The following ALOX15 variants were observed in gnomAD, a reference collection of about 807,000 sequenced individuals.
ALOX15 encodes polyunsaturated fatty acid lipoxygenase ALOX15.
A neutral mutation model predicts 71.7 loss-of-function variants in ALOX15; 68 were observed. That is an observed-to-expected ratio of 0.95 (90% CI 0.78 to 1.16). ALOX15 has a LOEUF of 1.16. ALOX15 is among the 50% of genes most tolerant of loss of function. The probability of loss-of-function intolerance (pLI) is 0.00; values close to 1 mark genes in which losing one functional copy is unlikely to be tolerated. For missense variants in ALOX15, 798 were observed against 818.8 expected, an observed-to-expected ratio of 0.97 and a Z score of 0.31; for synonymous variants, 346 against 333.3, an observed-to-expected ratio of 1.04 and a Z score of -0.42.
intron 7 of ALOX15, among the ~76,000 whole-genome samples, chr17:4,636,349 C>A (rs1258477626): frequency 6.6e-6 from 1 of 152,224 alleles, no homozygotes; most frequent in Non-Finnish European, 1.5e-5. Context: ...TTGTTCTCAG[C>A]TGCCTGCTGG....
chr17:4,633,431 T>C lies in ALOX15; in HGVS notation c.1231A>G (p.Met411Val), dbSNP rs1457107779. The change falls in exon 9 of 14, where the codon ATG (methionine) becomes GTG (valine). Residue 411 changes from methionine to valine, a missense_variant. Met to Val is a conservative substitution (Grantham distance 21). Transcript: ENST00000293761. The part of the protein sequence containing the change: ...VRARTGLVSD[M>V]GIFDQIMSTG... ...TCCCATACCTGGTCGAAAATTCCCA[T>C]GTCAGAGACCAGCCCAGTCCTGGCC... The C allele has an allele frequency of 5.0e-6, 8 of 1,614,052 alleles. No homozygotes were observed. The highest frequency in any genetic ancestry group is 5.9e-6 in the Non-Finnish European group (7 of 1,179,976).
In ALOX15 at chr17:4,637,202, GA is replaced by G. The variant is rs770678509; in HGVS notation, c.863del (p.Val288AlafsTer13). 7 of 1,613,972 alleles carry G rather than the reference GA, an allele frequency of 4.3e-6. No homozygotes were observed. The South Asian group carries it at 7.7e-5, about 18-fold the overall frequency. ...CCAGGTGCTGCTGGCTACAGAGAATGACGTTGGCCTTGATCCCATCCAGCAG... is the reference window on the plus strand; with the variant it reads ...CCAGGTGCTGCTGGCTACAGAGAATGCGTTGGCCTTGATCCCATCCAGCAG... ...FSLLDGIKAN[V>X]ILCSQQHLAA... is the part of the protein sequence containing the mutation. On this transcript the variant is annotated frameshift_variant, in exon 7 of 14. Coordinates refer to ENST00000293761, the MANE Select transcript of ALOX15 (RefSeq NM_001140.5). LOFTEE classifies it high-confidence loss of function.
Position 4,635,944 on chromosome 17 carries a change from G to C in ALOX15, c.976C>G (p.Pro326Ala). 6.2e-7 allele frequency: 1 copy of C among 1,613,982 alleles called. No individual in the cohort carries two copies. Among genetic ancestry groups the C allele is most frequent in the Non-Finnish European group, 8.5e-7 (1 of 1,180,036 alleles). The part of the protein sequence containing the change: ...IQLQLPRTGS[P>A]PPPLFLPTDP... ...GTAGGCAAGAAAAGGGGAGGTGGTG[G>C]GGATCCTGTGCGGGGCAGCTGGAGC... Residue 326 changes from proline (P) to alanine (A), a missense_variant, in exon 8 of 14, where the codon CCA (proline) becomes GCA (alanine). Pro to Ala is a conservative substitution (Grantham distance 27, BLOSUM62 -1). This residue lies in a region of ALOX15 where 490 missense variants were observed against 509.4 expected (regional missense o/e 0.96). Coordinates refer to ENST00000293761, the MANE Select transcript of ALOX15 (RefSeq NM_001140.5).
intron 6 of ALOX15, among the ~76,000 whole-genome samples, 162 bp downstream of exon 6, chr17:4,638,055 C>T (rs1353848220): frequency 2.0e-5 from 3 of 152,128 alleles, no homozygotes; most frequent in Non-Finnish European, 2.9e-5. Context: ...GGAAGGAGGC[C>T]GAGCAGCTGA....
chr17:4,632,640 T>C (rs1486385083), intron 11 of ALOX15, among the ~76,000 whole-genome samples: 1 of 152,154 alleles, frequency 6.6e-6, no homozygotes, highest in Non-Finnish European at 1.5e-5. Context: ...TTGTTAAACA[T>C]TTATGAGCAG....
intron 5 of ALOX15, 22 bp downstream of exon 5, chr17:4,638,559 C>A: frequency 6.2e-7 from 1 of 1,610,096 alleles, no homozygotes; most frequent in Non-Finnish European, 8.5e-7. Flanking sequence ...GGTTGGGAGA[C>A]ATACTGGGGT....
Position 4,633,135 on chromosome 17 carries a change from G to A in ALOX15, c.1418+11C>T, listed in dbSNP as rs774148137. 1.2e-5 allele frequency: 19 copies of A among 1,612,274 alleles called. No homozygotes were observed. The highest frequency in any genetic ancestry group is 4.5e-5 in the East Asian group (2 of 44,854). On this transcript the variant is annotated intron_variant, in intron 10 of 13. Transcript: ENST00000293761. ...CACTTGCACCCCCACTGGCCTTCCCGCTTGCCTCACCGATAGATGATTTCC... is the reference window on the plus strand; with the variant it reads ...CACTTGCACCCCCACTGGCCTTCCCACTTGCCTCACCGATAGATGATTTCC...
At position 4,635,858 on chromosome 17, in the gene ALOX15, G is replaced by C; in HGVS notation, c.1062C>G (p.Leu354=). 1 of 1,614,254 alleles carries C rather than the reference G, an allele frequency of 6.2e-7. No individual in the cohort carries two copies. Among genetic ancestry groups the C allele is most frequent in the South Asian group, 1.1e-5 (1 of 91,082 alleles). Residue 354 remains leucine, a synonymous_variant, in exon 8 of 14, where the codon CTC becomes CTG. Transcript: ENST00000293761. ...KCWVRSSDFQ[L]HELQSHLLRG... ...TCAGAAGATGAGACTGCAGCTCATG[G>C]AGCTGGAAGTCAGAGCTGCGCACCC...
Position 4,638,351 on chromosome 17 carries a change from C to A in ALOX15, c.673G>T (p.Asp225Tyr). Residue 225 changes from aspartate to tyrosine, a missense_variant, in exon 6 of 14, where the codon GAT becomes TAT. Transcript: ENST00000293761. ...AERVRDSWKEDALFGYQFLNG... is the reference protein window; with the variant it reads ...AERVRDSWKEYALFGYQFLNG... ...AGAAACTGGTACCCAAATAAGGCATCTTCCTTCCAGGAGTCCCGCACGCGC... is the reference window on the plus strand; with the variant it reads ...AGAAACTGGTACCCAAATAAGGCATATTCCTTCCAGGAGTCCCGCACGCGC... The A allele has an allele frequency of 6.4e-6, 6 of 939,344 alleles. No homozygotes were observed. Among genetic ancestry groups the A allele is most frequent in the Non-Finnish European group, 9.8e-6 (6 of 611,106 alleles). 58.2% of individuals were successfully genotyped at this position (939,344 alleles called of 1,614,324 possible).
intron 7 of ALOX15, 68 bp downstream of exon 7, chr17:4,637,047 A>G: frequency 6.5e-7 from 1 of 1,541,068 alleles, no homozygotes; most frequent in Admixed American, 1.9e-5. Flanking sequence ...GTGCTCAGTA[A>G]ATTTTGATAA....
At position 4,631,962 on chromosome 17, in the gene ALOX15, G is replaced by T. The variant is rs985307514; in HGVS notation, c.1736C>A (p.Thr579Lys). ...KDATLETVMA[T>K]LPNFHQASLQ... is the part of the protein sequence containing the mutation. ...AGAAGCCTGGTGGAAGTTGGGCAGT[G>T]TCGCCATCACTGTCTCCAGCGTTGC... The change falls in exon 13 of 14, where the codon ACA becomes AAA. Residue 579 changes from threonine (T) to lysine (K), a missense_variant. Thr to Lys is a moderately conservative substitution (Grantham distance 78). This residue lies in a region of ALOX15 where 490 missense variants were observed against 509.4 expected (regional missense o/e 0.96). Coordinates refer to ENST00000293761, the MANE Select transcript of ALOX15 (RefSeq NM_001140.5). 1 of 1,614,030 alleles carries T rather than the reference G, an allele frequency of 6.2e-7. No homozygotes were observed. The highest frequency in any genetic ancestry group is 1.3e-5 in the African/African-American group (1 of 74,948).
Position 4,639,187 on chromosome 17 carries a change from T to C in ALOX15, c.338-55A>G, listed in dbSNP as rs1450054180. On this transcript the variant is annotated intron_variant, in intron 2 of 13. Transcript: ENST00000293761. ...GACTTTTGGTGAGCGCCTCTTCTTG[T>C]CTCTGCCAGGAGAGCCTCAGCACCC... 104 of 1,599,802 alleles carry C rather than the reference T, an allele frequency of 6.5e-5. 1 individual carries two copies. In the Admixed American group the frequency reaches 1.7e-3, roughly 25 times the overall value.
chr17:4,633,925 C>G (rs181280181), intron 8 of ALOX15, among the ~76,000 whole-genome samples: 51 of 152,232 alleles, frequency 3.4e-4, no homozygotes, highest in African/African-American at 1.2e-3. Context: ...TGCACTAACA[C>G]TGGAACAGAA....
chr17:4,639,749 A>G (rs1312305443), intron 1 of ALOX15, 118 bp from the exon 2 acceptor site: 3 of 1,041,762 alleles, frequency 2.9e-6, no homozygotes, highest in East Asian at 2.6e-5. Flanking sequence ...GAGGAGACGT[A>G]TCGGGGTGCG....
rs142629035 is a variant in ALOX15 at position 4,632,058 on chromosome 17, T to C, written c.1642-2A>G. On this transcript the variant is annotated splice_acceptor_variant, in intron 12 of 13. Transcript: ENST00000293761. LOFTEE classifies it high-confidence loss of function. ...AGGCACCCAAGAGTACCAGTCCAGC[T>C]AAGGAAGGGCAGGGATCCAGAGTCA... 3.8e-5 allele frequency: 61 copies of C among 1,610,342 alleles called. 1 individual carries two copies. The highest frequency in any genetic ancestry group is 5.0e-5 in the Non-Finnish European group (59 of 1,177,812).
chr17:4,635,409 G>A (rs1194074422), intron 8 of ALOX15, among the ~76,000 whole-genome samples: 1 of 149,194 alleles, frequency 6.7e-6, no homozygotes, highest in Non-Finnish European at 1.5e-5. Context: ...ACTCCAGTCT[G>A]GGCAAAGGGA....
intron 6 of ALOX15, among the ~76,000 whole-genome samples, chr17:4,637,486 T>C (rs997170820): frequency 6.6e-6 from 1 of 152,100 alleles, no homozygotes; most frequent in Non-Finnish European, 1.5e-5. Context: ...CACTGCAGCC[T>C]TGACTTCCTT....
intron 1 of ALOX15, among the ~76,000 whole-genome samples, chr17:4,640,838 GCGGGTGACAC>G (rs1405962229): frequency 6.7e-6 from 1 of 150,348 alleles, no homozygotes; most frequent in Admixed American, 6.7e-5. Flanking sequence ...GGAAGGAGGC[GCGGGTGACAC>G]CGGGGGAGGC....
At position 4,639,109 on chromosome 17, in the gene ALOX15, G is replaced by C; in HGVS notation, c.361C>G (p.Gln121Glu). The C allele has an allele frequency of 6.2e-7, 1 of 1,614,194 alleles. No homozygotes were observed. The highest frequency in any genetic ancestry group is 8.5e-7 in the Non-Finnish European group (1 of 1,180,038). The change falls in exon 3 of 14, where the codon CAG becomes GAG. Residue 121 changes from glutamine (Q) to glutamate (E), a missense_variant. This residue lies in a region of ALOX15 where 300 missense variants were observed against 283.1 expected (regional missense o/e 1.06). Coordinates refer to ENST00000293761, the MANE Select transcript of ALOX15 (RefSeq NM_001140.5). ...GTGRTVGEDP[Q>E]GLFQKHREEE... ...TCCCGGTGTTTCTGGAACAGGCCCTGAGGGTCCTCGCCCACAGTGCGGCCT... is the reference window on the plus strand; with the variant it reads ...TCCCGGTGTTTCTGGAACAGGCCCTCAGGGTCCTCGCCCACAGTGCGGCCT...
Sources: allele counts gnomAD v4.1 joint callset (sites outside exome capture counted in the v4.1 genomes callset), GRCh38; gene constraint gnomAD v4.1.1; regional missense constraint gnomAD v4.1.1; transcripts MANE v1.5; gene names NCBI Gene and HGNC (gene_info 2026-07-23, HGNC 2026-07-21).